The following PHACTR1 variants were observed in gnomAD, a reference collection of about 807,000 sequenced individuals.
PHACTR1 encodes the protein RPEL repeat containing 1.
Under a neutral mutation model 69.2 loss-of-function variants are expected in PHACTR1, and 16 were observed. The ratio of observed to expected loss-of-function variants is 0.23; its 90% CI spans 0.16 to 0.35. The LOEUF (loss-of-function observed/expected upper bound fraction) is 0.35, where lower values mean the gene tolerates loss of function less well. Among genes scored for constraint, PHACTR1 ranks in the 10% least tolerant of loss-of-function variants. The pLI is 1.00. For synonymous variants in PHACTR1, 312 were observed against 284.5 expected (o/e 1.10, Z -0.97); for missense variants, 510 against 734.7 (o/e 0.69, Z 3.54).
intron 4 of PHACTR1, among the ~76,000 whole-genome samples, chr6:12,956,657 C>A (rs996843143): frequency 2.0e-5 from 3 of 152,062 alleles, no homozygotes; most frequent in African/African-American, 7.2e-5. Flanking sequence ...GGATCGAGGT[C>A]AGGGCAGGGG....
At chr6:12,800,456 T>C (rs1347034785) in intron 4 of PHACTR1, among the ~76,000 whole-genome samples, 1 of 152,360 alleles carries the variant, frequency 6.6e-6, no homozygotes, top group East Asian at 1.9e-4. Context: ...ATTGATTTTA[T>C]GTCTCATTGT....
intron 5 of PHACTR1, among the ~76,000 whole-genome samples, chr6:13,152,867 T>G (rs1186661328): frequency 6.6e-6 from 1 of 151,978 alleles, no homozygotes; most frequent in Non-Finnish European, 1.5e-5. Flanking sequence ...GAGCCTTGTT[T>G]GTGGTTTCCA....
At chr6:12,805,705 A>T (rs1304528759) in intron 4 of PHACTR1, among the ~76,000 whole-genome samples, 1 of 151,886 alleles carries the variant, frequency 6.6e-6, no homozygotes, top group Non-Finnish European at 1.5e-5. Context: ...GGCTCAAGCA[A>T]TTCTCCTGCC....
intron 8 of PHACTR1, among the ~76,000 whole-genome samples, chr6:13,208,238 C>T (rs888907510): frequency 6.6e-6 from 1 of 152,118 alleles, no homozygotes. Context: ...ACTAAGTTCC[C>T]CAAAGCCACC....
intron 4 of PHACTR1, among the ~76,000 whole-genome samples, chr6:12,915,357 A>C (rs1158164231): frequency 6.6e-6 from 1 of 151,930 alleles, no homozygotes; most frequent in Non-Finnish European, 1.5e-5. Context: ...AAATACAAAA[A>C]TCAGTAGGGC....
At chr6:12,924,158 A>G (rs1788008242) in intron 4 of PHACTR1, among the ~76,000 whole-genome samples, 2 of 152,194 alleles carry the variant, frequency 1.3e-5, no homozygotes, top group Non-Finnish European at 1.5e-5. Flanking sequence ...AAATTGACCT[A>G]CTTTATAAAC....
chr6:13,073,994 T>A (rs1809978391), intron 5 of PHACTR1, among the ~76,000 whole-genome samples: 1 of 151,878 alleles, frequency 6.6e-6, no homozygotes, highest in South Asian at 2.1e-4. Context: ...TGCCTCAGCC[T>A]CCCGAGTAGC....
At chr6:13,087,764 G>A (rs1812550668) in intron 5 of PHACTR1, among the ~76,000 whole-genome samples, 1 of 151,748 alleles carries the variant, frequency 6.6e-6, no homozygotes, top group South Asian at 2.1e-4. Context: ...TCCCACCTGA[G>A]CCTCCCTAGT....
At chr6:12,731,374 T>C (rs1172921517) in intron 3 of PHACTR1, among the ~76,000 whole-genome samples, 4 of 152,228 alleles carry the variant, frequency 2.6e-5, no homozygotes, top group Non-Finnish European at 5.9e-5. Context: ...GATTATGCAC[T>C]GTTTGGTGAC....
At chr6:12,985,538 A>G (rs935256002) in intron 4 of PHACTR1, among the ~76,000 whole-genome samples, 1 of 134,872 alleles carries the variant, frequency 7.4e-6, no homozygotes, top group East Asian at 2.0e-4. Context: ...TAAAAAAAAA[A>G]AAAATATATA....
chr6:13,128,028 A>G lies in PHACTR1; in HGVS notation c.416-32176A>G, dbSNP rs865872752. Among the ~76,000 whole-genome samples, 5 of 151,182 alleles carry G rather than the reference A, an allele frequency of 3.3e-5. No individual in the cohort carries two copies. In the South Asian group the frequency reaches 6.3e-4, roughly 19 times the overall value. Reference sequence around the variant, plus strand: ...CGGAAGGAGAAGTATGAGCAAAAGGAGGAAAAGCCCCTTAAAAAACCATCA... The same window carrying G: ...CGGAAGGAGAAGTATGAGCAAAAGGGGGAAAAGCCCCTTAAAAAACCATCA... On this transcript the variant is annotated intron_variant, in intron 5 of 14. Coordinates refer to ENST00000332995, the MANE Select transcript of PHACTR1 (RefSeq NM_030948.6).
At chr6:13,093,947 C>T (rs928008597) in intron 5 of PHACTR1, among the ~76,000 whole-genome samples, 3 of 152,182 alleles carry the variant, frequency 2.0e-5, no homozygotes, top group African/African-American at 4.8e-5. Context: ...TCACAACTCA[C>T]GGAAGCCTTA....
At chr6:12,909,527 G>C (rs893463199) in intron 4 of PHACTR1, among the ~76,000 whole-genome samples, 1 of 152,148 alleles carries the variant, frequency 6.6e-6, no homozygotes, top group Non-Finnish European at 1.5e-5. Flanking sequence ...AAATATGAAG[G>C]GCATGGCATC....
chr6:13,236,483 G>T (rs1772005132), intron 10 of PHACTR1, among the ~76,000 whole-genome samples: 1 of 152,180 alleles, frequency 6.6e-6, no homozygotes, highest in African/African-American at 2.4e-5. Context: ...TCTGAGGGCT[G>T]CGAGGGAGCA....
At chr6:12,985,032 A>G (rs1216701966) in intron 4 of PHACTR1, among the ~76,000 whole-genome samples, 1 of 152,260 alleles carries the variant, frequency 6.6e-6, no homozygotes, top group Non-Finnish European at 1.5e-5. Context: ...AGTTAAAATC[A>G]TCTAAACCAC....
chr6:13,272,936 C>T, intron 11 of PHACTR1, 21 bp downstream of exon 11: 1 of 1,613,324 alleles, frequency 6.2e-7, no homozygotes, highest in South Asian at 1.1e-5. Context: ...AAGCCCATGG[C>T]AATCCCTGAT....
intron 4 of PHACTR1, among the ~76,000 whole-genome samples, chr6:12,852,695 C>A (rs1274204752): frequency 6.6e-6 from 1 of 152,166 alleles, no homozygotes; most frequent in Non-Finnish European, 1.5e-5. Context: ...ATATATGCTT[C>A]TCAATGGATC....
At chr6:13,072,351 T>C (rs1485791803) in intron 5 of PHACTR1, among the ~76,000 whole-genome samples, 6 of 152,236 alleles carry the variant, frequency 3.9e-5, no homozygotes, top group South Asian at 2.1e-4. Context: ...ATTTGGTGTG[T>C]AGATTCTGAC....
chr6:13,210,964 T>C (rs1413423020), intron 8 of PHACTR1, among the ~76,000 whole-genome samples: 2 of 143,334 alleles, frequency 1.4e-5, no homozygotes, highest in African/African-American at 5.0e-5. Flanking sequence ...CTTTCCATTC[T>C]AATAAATAAC....
Sources: gnomAD v4.1 joint callset for allele counts (sites outside exome capture counted in the v4.1 genomes callset) on GRCh38, gnomAD v4.1.1 for gene constraint, MANE v1.5 for transcripts, NCBI Gene and HGNC (gene_info 2026-07-23, HGNC 2026-07-21) for gene names.